The following TTC39C variants were observed in gnomAD, a reference collection of about 807,000 sequenced individuals.
TTC39C encodes the protein tetratricopeptide repeat protein 39C.
In TTC39C, 33 loss-of-function variants were observed where a neutral mutation model predicts 76.3. The ratio of observed to expected loss-of-function variants is 0.43; its 90% CI spans 0.33 to 0.58. The LOEUF (loss-of-function observed/expected upper bound fraction) is 0.58, where lower values mean the gene tolerates loss of function less well. Among genes scored for constraint, TTC39C ranks in the 20% least tolerant of loss-of-function variants. The pLI is 0.04. For synonymous variants in TTC39C, 254 were observed against 260.6 expected (o/e 0.97, Z 0.24); for missense variants, 595 against 701.4 (o/e 0.85, Z 1.71).
intron 6 of TTC39C, among the ~76,000 whole-genome samples, chr18:24,112,333 C>A (rs1055920692): frequency 5.3e-5 from 8 of 152,184 alleles, no homozygotes; most frequent in African/African-American, 1.9e-4. Context: ...TACACACTCC[C>A]CGAAGAAAGC....
intron 6 of TTC39C, among the ~76,000 whole-genome samples, chr18:24,085,915 C>T (rs1320305734): frequency 6.6e-6 from 1 of 152,150 alleles, no homozygotes. Flanking sequence ...CCCAAGGTGC[C>T]CAGACAGCAG....
At chr18:24,033,223 A>G (rs1229138743) in intron 1 of TTC39C, among the ~76,000 whole-genome samples, 1 of 152,234 alleles carries the variant, frequency 6.6e-6, no homozygotes, top group Non-Finnish European at 1.5e-5. Flanking sequence ...ACTGTACTCT[A>G]GCCTGGGCAA....
At chr18:24,075,293 G>A (rs1054707847) in intron 4 of TTC39C, among the ~76,000 whole-genome samples, 22 of 150,962 alleles carry the variant, frequency 1.5e-4, no homozygotes, top group Non-Finnish European at 2.4e-4. Context: ...AGAACTTAAA[G>A]TATAATTAAA....
rs746455051 is a variant in TTC39C at position 24,128,852 on chromosome 18, G to A, written c.1421-34G>A. The A allele has an allele frequency of 1.9e-6, 3 of 1,549,536 alleles. No individual in the cohort carries two copies. In the South Asian group the frequency reaches 3.5e-5, roughly 18 times the overall value. On this transcript the variant is annotated intron_variant, in intron 10 of 13. Transcript: ENST00000317571. The stretch of plus-strand genomic sequence containing the variant: ...TTGAAGGAATTAAGTGAATGCATTT[G>A]CTTACTGCTCTGTTCACTCCCCTTC...
intron 6 of TTC39C, among the ~76,000 whole-genome samples, chr18:24,088,017 A>G (rs1368978798): frequency 1.3e-5 from 2 of 152,190 alleles, no homozygotes; most frequent in African/African-American, 2.4e-5. Flanking sequence ...CTTTTTTCAG[A>G]AATGATGTTG....
intron 1 of TTC39C, among the ~76,000 whole-genome samples, chr18:24,006,953 A>T (rs1209502309): frequency 1.3e-5 from 2 of 152,170 alleles, no homozygotes; most frequent in Non-Finnish European, 2.9e-5. Flanking sequence ...ACACAGTCGG[A>T]GCACCCAGTG....
chr18:24,056,267 C>G (rs886213011), intron 1 of TTC39C, among the ~76,000 whole-genome samples: 17 of 152,164 alleles, frequency 1.1e-4, no homozygotes, highest in African/African-American at 4.1e-4. Flanking sequence ...TGGATGACAG[C>G]TGTGGGCTGA....
intron 8 of TTC39C, among the ~76,000 whole-genome samples, chr18:24,122,766 G>A (rs2084987371): frequency 6.6e-6 from 1 of 152,032 alleles, no homozygotes; most frequent in Admixed American, 6.6e-5. Flanking sequence ...AAGAAGGTGT[G>A]CACATGATCA....
intron 6 of TTC39C, among the ~76,000 whole-genome samples, chr18:24,109,329 AAATAAT>A (rs1471569521): frequency 6.6e-6 from 1 of 152,152 alleles, no homozygotes; most frequent in East Asian, 1.9e-4. Context: ...ACCCTGTTTC[AAATAAT>A]AATAATAACA....
chr18:24,082,216 TA>T (rs2084385927), intron 5 of TTC39C, among the ~76,000 whole-genome samples: 1 of 151,764 alleles, frequency 6.6e-6, no homozygotes, highest in Non-Finnish European at 1.5e-5. Flanking sequence ...TTTTTTTTTT[TA>T]AATAATGAGT....
chr18:24,058,392 C>T (rs572932791), intron 1 of TTC39C, among the ~76,000 whole-genome samples: 9 of 152,334 alleles, frequency 5.9e-5, no homozygotes, highest in East Asian at 1.9e-4. Flanking sequence ...CAATAGCTCA[C>T]GCCTGTAATC....
intron 1 of TTC39C, among the ~76,000 whole-genome samples, chr18:24,044,651 C>T (rs2083841024): frequency 6.6e-6 from 1 of 152,056 alleles, no homozygotes; most frequent in Non-Finnish European, 1.5e-5. Flanking sequence ...CCTCCAAAGG[C>T]CACTGAGGAA....
intron 6 of TTC39C, among the ~76,000 whole-genome samples, chr18:24,088,879 C>A (rs991908481): frequency 6.6e-6 from 1 of 152,234 alleles, no homozygotes; most frequent in African/African-American, 2.4e-5. Flanking sequence ...CCCGGCGTGC[C>A]TGTGTTCTGT....
chr18:24,114,687 A>T (rs1599339752), intron 7 of TTC39C, 40 bp downstream of exon 7: 3 of 1,479,844 alleles, frequency 2.0e-6, no homozygotes, highest in East Asian at 4.5e-5. Flanking sequence ...GTTAAGAAGT[A>T]GTATTAATGC....
intron 9 of TTC39C, among the ~76,000 whole-genome samples, chr18:24,125,039 T>C (rs2085030709): frequency 6.6e-6 from 1 of 152,132 alleles, no homozygotes; most frequent in Non-Finnish European, 1.5e-5. Flanking sequence ...ATTACAGGCA[T>C]GTGCCACCAT....
At chr18:24,045,912 TATATATATATATATA>T (rs1466333973) in intron 1 of TTC39C, among the ~76,000 whole-genome samples, 1,041 of 28,356 alleles carry the variant, frequency 0.037, 140 homozygotes, top group Non-Finnish European at 0.049. Context: ...TATATATATA[TATATATATATATATA>T]TTTTTTTTTT....
At chr18:23,996,937 G>T (rs780124040) in intron 1 of TTC39C, among the ~76,000 whole-genome samples, 2 of 151,698 alleles carry the variant, frequency 1.3e-5, no homozygotes, top group South Asian at 4.2e-4. Flanking sequence ...GTGAAACCCC[G>T]TCTCTACTAA....
In TTC39C at chr18:24,024,689, C is replaced by T. The variant is rs149913420; in HGVS notation, c.167+9651C>T. 5.5e-3 allele frequency among the ~76,000 whole-genome samples: 840 copies of T among 152,230 alleles called. 5 individuals carry two copies. The highest frequency in any genetic ancestry group is 8.7e-3 in the Non-Finnish European group (594 of 68,018). ...GTGTCTCAGAAAACATATCTCCCATCGTTAAATCCCTCTGCACACCAACAA... is the reference window on the plus strand; with the variant it reads ...GTGTCTCAGAAAACATATCTCCCATTGTTAAATCCCTCTGCACACCAACAA... On this transcript the variant is annotated intron_variant, in intron 1 of 13. Transcript: ENST00000317571.
rs150892489 is a variant in TTC39C at position 24,047,052 on chromosome 18, G to A, written c.168-17088G>A. 1.2e-3 allele frequency among the ~76,000 whole-genome samples: 180 copies of A among 151,796 alleles called. 6 individuals are homozygous for A. Among genetic ancestry groups the A allele is most frequent in the African/African-American group, 4.0e-3 (163 of 41,176 alleles). ...CCTGCTCAGAACTTTAGTACAGTTT[G>A]CAGTTTCTTAAGAAGATATACATTT... On this transcript the variant is annotated intron_variant, in intron 1 of 13. Transcript: ENST00000317571.
Sources: allele counts gnomAD v4.1 joint callset (sites outside exome capture counted in the v4.1 genomes callset), GRCh38; gene constraint gnomAD v4.1.1; transcripts MANE v1.5; gene names NCBI Gene and HGNC (gene_info 2026-07-23, HGNC 2026-07-21).